The following UBE2G1 variants were observed in gnomAD, a reference collection of about 807,000 sequenced individuals.
UBE2G1 encodes ubiquitin conjugating enzyme E2 G1.
UBE2G1 carries 5 observed loss-of-function variants against 22.7 expected under a neutral mutation model. That is an observed-to-expected ratio of 0.22 (90% confidence interval 0.12 to 0.46). The LOEUF is 0.46. UBE2G1 is among the 20% of genes least tolerant of loss of function. UBE2G1 has a pLI of 0.99. For missense variants in UBE2G1, 88 were observed against 203.9 expected (o/e 0.43, Z 3.46); for synonymous variants, 74 against 67.5 (o/e 1.10, Z -0.47).
At chr17:4,361,834 T>C (rs986988354) in intron 1 of UBE2G1, among the ~76,000 whole-genome samples, 6 of 151,654 alleles carry the variant, frequency 4.0e-5, no homozygotes, top group Admixed American at 1.3e-4. Flanking sequence ...CCCAGCTACT[T>C]GGGAGGCTGA....
At chr17:4,274,379 A>G (rs1968797836) in intron 5 of UBE2G1, among the ~76,000 whole-genome samples, 1 of 151,894 alleles carries the variant, frequency 6.6e-6, no homozygotes, top group Admixed American at 6.6e-5. Context: ...TTGTATTTTT[A>G]GTAGAGACGG....
intron 1 of UBE2G1, among the ~76,000 whole-genome samples, chr17:4,331,105 A>T (rs895632916): frequency 6.6e-6 from 1 of 152,086 alleles, no homozygotes; most frequent in Admixed American, 6.6e-5. Flanking sequence ...TCCTGGTGGT[A>T]TGAAGAACAC....
intron 5 of UBE2G1, 52 bp from the exon 6 acceptor site, chr17:4,272,568 T>C (rs971197167): frequency 5.4e-6 from 1 of 186,590 alleles, no homozygotes; most frequent in African/African-American, 2.4e-5. Context: ...TACAAAAGAA[T>C]TAACTGTAAG....
chr17:4,270,920 T>A lies in UBE2G1; in HGVS notation c.*1634A>T, dbSNP rs890278384. ...CTTGGCAGGAGTTCTTTCACTCTTCTGCCAAAGCATTTCTCCAAACCCCAC... is the reference window on the plus strand; with the variant it reads ...CTTGGCAGGAGTTCTTTCACTCTTCAGCCAAAGCATTTCTCCAAACCCCAC... On this transcript the variant is annotated 3_prime_UTR_variant, in exon 6 of 6. Transcript: ENST00000396981. 2.0e-5 allele frequency: 3 copies of A among 152,212 alleles called. No homozygotes were observed. The highest frequency in any genetic ancestry group is 4.4e-5 in the Non-Finnish European group (3 of 68,040). 9.4% of individuals were successfully genotyped at this position (152,212 alleles called of 1,614,324 possible). A position where few individuals can be genotyped will look rare whatever the true frequency, so the allele number is the denominator to read the frequency against.
chr17:4,348,847 C>G (rs1969811321), intron 1 of UBE2G1, among the ~76,000 whole-genome samples: 1 of 150,834 alleles, frequency 6.6e-6, no homozygotes, highest in Non-Finnish European at 1.5e-5. Context: ...GGAGACACAA[C>G]AAGACTCCGT....
intron 5 of UBE2G1, among the ~76,000 whole-genome samples, chr17:4,282,389 C>T (rs1968904876): frequency 6.6e-6 from 1 of 152,088 alleles, no homozygotes; most frequent in African/African-American, 2.4e-5. Context: ...GGCCAGAAGA[C>T]CAACCTTAAA....
At chr17:4,364,391 G>C (rs377266567) in intron 1 of UBE2G1, 6 of 123,554 alleles carry the variant, frequency 4.9e-5, no homozygotes, top group Non-Finnish European at 9.8e-5. Context: ...CCGGGTTCAC[G>C]CCATTCTCCT....
At chr17:4,311,925 T>C (rs1317575555) in intron 1 of UBE2G1, among the ~76,000 whole-genome samples, 1 of 152,180 alleles carries the variant, frequency 6.6e-6, no homozygotes, top group Non-Finnish European at 1.5e-5. Flanking sequence ...TTAAATGCCT[T>C]TTGTTAGGGA....
At chr17:4,301,282 G>A in intron 2 of UBE2G1, 1 of 401,784 alleles carries the variant, frequency 2.5e-6, no homozygotes, top group Non-Finnish European at 4.7e-6. Flanking sequence ...TGCTCCGTGG[G>A]CACTGCTTTT....
Position 4,366,418 on chromosome 17 carries a change from C to T in UBE2G1, c.-102G>A. 1 of 1,219,328 alleles carries T rather than the reference C, an allele frequency of 8.2e-7. No individual in the cohort carries two copies. The highest frequency in any genetic ancestry group is 1.1e-6 in the Non-Finnish European group (1 of 944,112). The allele number at this position is 1,219,328 out of a possible 1,614,324, so 75.5% of individuals were successfully genotyped here. On this transcript the variant is annotated 5_prime_UTR_variant, in exon 1 of 6. Coordinates refer to ENST00000396981, the MANE Select transcript of UBE2G1 (RefSeq NM_003342.5). ...GGTGTGCCGAGGAACCCGGGCCCCG[C>T]GACCGGAGCGCCGGAGCCGAGGAAG...
At position 4,363,915 on chromosome 17, in the gene UBE2G1, G is replaced by A. The variant is rs556123463; in HGVS notation, c.46+2356C>T. 2.8e-4 allele frequency among the ~76,000 whole-genome samples: 32 copies of A among 115,758 alleles called. No homozygotes were observed. In the South Asian group the frequency reaches 8.4e-3, roughly 31 times the overall value. The allele number at this position is 115,758 out of a possible 152,430, so 75.9% of individuals were successfully genotyped here. A position where few individuals can be genotyped will look rare whatever the true frequency, so the allele number is the denominator to read the frequency against. On this transcript the variant is annotated intron_variant, in intron 1 of 5. Coordinates refer to ENST00000396981, the MANE Select transcript of UBE2G1 (RefSeq NM_003342.5). ...TGCAGTGAGCCGAGATTGCGCCACTGCACTCCAGCTGGGCAACAGAGTAAG... is the reference window on the plus strand; with the variant it reads ...TGCAGTGAGCCGAGATTGCGCCACTACACTCCAGCTGGGCAACAGAGTAAG...
chr17:4,296,710 A>C lies in UBE2G1; in HGVS notation c.247+7T>G, dbSNP rs769027764. On this transcript the variant is annotated splice_region_variant and intron_variant, in intron 3 of 5. Transcript: ENST00000396981. ...GCAAATGTAAAAGTAAAACTAGATAAACTTACCATTTGGGTGCCAGATTTC... is the reference window on the plus strand; with the variant it reads ...GCAAATGTAAAAGTAAAACTAGATACACTTACCATTTGGGTGCCAGATTTC... The C allele has an allele frequency of 2.9e-5, 46 of 1,612,452 alleles. No homozygotes were observed. Among genetic ancestry groups the C allele is most frequent in the Non-Finnish European group, 3.7e-5 (44 of 1,178,728 alleles).
At chr17:4,283,045 T>C in intron 4 of UBE2G1, 124 bp from the exon 5 acceptor site, 1 of 807,568 alleles carries the variant, frequency 1.2e-6, no homozygotes, top group Non-Finnish European at 1.9e-6. Flanking sequence ...ATTATAGAGT[T>C]GAAAAGGTAG....
intron 5 of UBE2G1, among the ~76,000 whole-genome samples, chr17:4,281,699 T>C (rs1387507154): frequency 6.6e-6 from 1 of 152,252 alleles, no homozygotes; most frequent in African/African-American, 2.4e-5. Flanking sequence ...ATAACAATTT[T>C]CTGCTATGTT....
intron 1 of UBE2G1, among the ~76,000 whole-genome samples, chr17:4,338,920 A>G (rs762097728): frequency 1.6e-4 from 25 of 152,172 alleles, no homozygotes; most frequent in Non-Finnish European, 3.4e-4. Context: ...TGACGGTGCT[A>G]GTGCCTACTG....
chr17:4,273,170 C>T (rs1968780339), intron 5 of UBE2G1, among the ~76,000 whole-genome samples: 2 of 152,248 alleles, frequency 1.3e-5, no homozygotes, highest in African/African-American at 4.8e-5. Context: ...AAAGCAGCAC[C>T]GCCTCATCGA....
intron 1 of UBE2G1, among the ~76,000 whole-genome samples, chr17:4,342,320 C>T (rs1488880675): frequency 6.6e-6 from 1 of 152,240 alleles, no homozygotes. Context: ...CTCACACACT[C>T]TACCCTTCAA....
chr17:4,336,506 A>T (rs1431039727), intron 1 of UBE2G1, among the ~76,000 whole-genome samples: 1 of 152,156 alleles, frequency 6.6e-6, no homozygotes, highest in African/African-American at 2.4e-5. Flanking sequence ...TATATATACC[A>T]AAATTTTCAT....
chr17:4,319,009 C>A (rs1969406977), intron 1 of UBE2G1, among the ~76,000 whole-genome samples: 1 of 152,030 alleles, frequency 6.6e-6, no homozygotes, highest in East Asian at 1.9e-4. Context: ...GAAAAACAGA[C>A]TAAAAACAAA....
Sources: allele counts gnomAD v4.1 joint callset (sites outside exome capture counted in the v4.1 genomes callset), GRCh38; gene constraint gnomAD v4.1.1; transcripts MANE v1.5; gene names NCBI Gene and HGNC (gene_info 2026-07-23, HGNC 2026-07-21).